The following DENND6B variants were observed in gnomAD, a reference collection of about 807,000 sequenced individuals.
DENND6B encodes protein DENND6B.
In DENND6B, 73 loss-of-function variants were observed where a neutral mutation model predicts 85.1. The ratio of observed to expected loss-of-function variants is 0.86; its 90% CI spans 0.71 to 1.04. The LOEUF (loss-of-function observed/expected upper bound fraction) is 1.04. Among genes scored for constraint, DENND6B ranks in the 50% least tolerant of loss-of-function variants. The probability of loss-of-function intolerance (pLI) is 0.00; values close to 1 mark genes in which losing one functional copy is unlikely to be tolerated. For synonymous variants in DENND6B, 357 were observed against 329.3 expected, an observed-to-expected ratio of 1.08 and a Z score of -0.91; for missense variants, 715 against 785.8, an observed-to-expected ratio of 0.91 and a Z score of 1.08.
rs926597495 is a variant in DENND6B at position 50,326,938 on chromosome 22, G to C, written c.51C>G (p.Gly17=). 2 of 1,296,714 alleles carry C rather than the reference G, an allele frequency of 1.5e-6. No homozygotes were observed. The highest frequency in any genetic ancestry group is 1.9e-6 in the Non-Finnish European group (2 of 1,027,916). 80.3% of individuals were successfully genotyped at this position (1,296,714 alleles called of 1,614,324 possible). Residue 17 remains glycine (G), a synonymous_variant, in exon 1 of 20, where the codon GGC becomes GGG. Coordinates refer to ENST00000413817, the MANE Select transcript of DENND6B (RefSeq NM_001001794.4). The stretch of plus-strand genomic sequence containing the variant: ...GACCTGAAGACGTGGGTCCAGCCGC[G>C]CCCAGGCAGCCGCGAGCCCGGCGAG... The part of the protein sequence containing the change: ...TGPRRARGCL[G]AAGPTSSGRA...
intron 4 of DENND6B, 141 bp downstream of exon 4, chr22:50,317,767 A>G: frequency 1.2e-6 from 1 of 810,214 alleles, no homozygotes; most frequent in Non-Finnish European, 1.9e-6. Context: ...CTGGGACTGC[A>G]GGGCCAGTGG....
rs2068024446 is a variant in DENND6B at position 50,309,057 on chromosome 22, C to G, written c.*3082G>C. On this transcript the variant is annotated 3_prime_UTR_variant, in exon 20 of 20. Coordinates refer to ENST00000413817, the MANE Select transcript of DENND6B (RefSeq NM_001001794.4). ...CAGTCACAAAAGGACATTTTAATACCAAAACTGTGGGAAGGCCACTGTTCT... is the reference window on the plus strand; with the variant it reads ...CAGTCACAAAAGGACATTTTAATACGAAAACTGTGGGAAGGCCACTGTTCT... 6.6e-6 allele frequency: 1 copy of G among 152,214 alleles called. No homozygotes were observed. Among genetic ancestry groups the G allele is most frequent in the Non-Finnish European group, 1.5e-5 (1 of 68,040 alleles). 9.4% of individuals were successfully genotyped at this position (152,214 alleles called of 1,614,324 possible). A position where few individuals can be genotyped will look rare whatever the true frequency, so the allele number is the denominator to read the frequency against.
intron 9 of DENND6B, chr22:50,315,204 G>A (rs1044082696): frequency 4.4e-6 from 2 of 454,634 alleles, no homozygotes; most frequent in Non-Finnish European, 8.0e-6. Context: ...GCCGGGGCAG[G>A]GTCTGCTGAC....
intron 9 of DENND6B, among the ~76,000 whole-genome samples, chr22:50,315,464 C>G (rs757898300): frequency 6.6e-6 from 1 of 152,184 alleles, no homozygotes; most frequent in Non-Finnish European, 1.5e-5. Context: ...ATGTGGGCAC[C>G]TGCTTCCTCT....
intron 3 of DENND6B, 52 bp downstream of exon 3, chr22:50,318,795 G>A (rs2041941860): frequency 6.2e-7 from 1 of 1,605,600 alleles, no homozygotes; most frequent in Admixed American, 1.7e-5. Flanking sequence ...CCAGGCTACA[G>A]GGATGCCCAG....
At chr22:50,314,095 C>A in intron 13 of DENND6B, 112 bp downstream of exon 13, 1 of 1,375,410 alleles carries the variant, frequency 7.3e-7, no homozygotes, top group Non-Finnish European at 9.7e-7. Context: ...GCTGCTGAGT[C>A]CTGGAAGAGG....
In DENND6B at chr22:50,314,418, C is replaced by T. The variant is rs757973302; in HGVS notation, c.1054G>A (p.Gly352Arg). 14 of 1,564,812 alleles carry T rather than the reference C, an allele frequency of 8.9e-6. No homozygotes were observed. The highest frequency in any genetic ancestry group is 3.5e-5 in the South Asian group (3 of 85,602). Reference protein sequence around the residue: ...LQHWPHILRVGEPKMSGDLPK... With the variant: ...LQHWPHILRVREPKMSGDLPK... Reference sequence around the variant, plus strand: ...GCCTGACCTGACATCTTGGGCTCCCCGACTCGGAGGATGTGGGGCCAGTGC... The same window carrying T: ...GCCTGACCTGACATCTTGGGCTCCCTGACTCGGAGGATGTGGGGCCAGTGC... The change falls in exon 12 of 20, where the codon GGG (glycine) becomes AGG (arginine). Residue 352 changes from glycine to arginine, a missense_variant. Coordinates refer to ENST00000413817, the MANE Select transcript of DENND6B (RefSeq NM_001001794.4).
rs201519448 is a variant in DENND6B at position 50,313,676 on chromosome 22, G to A, written c.1252C>T (p.Arg418Trp). The A allele has an allele frequency of 1.0e-4, 163 of 1,598,502 alleles. 2 individuals carry two copies. In the East Asian group the frequency reaches 1.6e-3, roughly 16 times the overall value. Reference sequence around the variant, plus strand: ...CTCTGGGTGAGCTCCAGGAGGTGCCGCCGCAGCAGGGCGCTCTGCACATCT... The same window carrying A: ...CTCTGGGTGAGCTCCAGGAGGTGCCACCGCAGCAGGGCGCTCTGCACATCT... ...PSDVQSALLR[R>W]HLLELTQSFI... Residue 418 changes from arginine (R) to tryptophan (W), a missense_variant, in exon 15 of 20, where the codon CGG becomes TGG. By Grantham distance (101) the Arg-to-Trp change is moderately radical. Transcript: ENST00000413817.
At chr22:50,326,273 G>T (rs1005544971) in intron 1 of DENND6B, among the ~76,000 whole-genome samples, 6 of 152,260 alleles carry the variant, frequency 3.9e-5, no homozygotes, top group Non-Finnish European at 7.3e-5. Context: ...ATGGGGTCTG[G>T]ATCTGATGCT....
chr22:50,324,488 G>A (rs865955690), intron 1 of DENND6B, among the ~76,000 whole-genome samples: 2 of 152,276 alleles, frequency 1.3e-5, no homozygotes, highest in East Asian at 1.9e-4. Context: ...GCCATGGCGC[G>A]ATCTCGGCTC....
intron 3 of DENND6B, 94 bp from the exon 4 acceptor site, chr22:50,318,114 C>T: frequency 8.2e-7 from 1 of 1,212,860 alleles, no homozygotes; most frequent in Non-Finnish European, 1.2e-6. Flanking sequence ...CCCTGCGAGC[C>T]TGGCCTCTGC....
chr22:50,312,605 TG>T lies in DENND6B; in HGVS notation c.1477del (p.His493IlefsTer15). 6.3e-7 allele frequency: 1 copy of T among 1,577,658 alleles called. No individual in the cohort carries two copies. The highest frequency in any genetic ancestry group is 1.2e-5 in the South Asian group (1 of 86,728). ...CCGCTGCCGGTACCAGCCATCAAAA[TG>T]GGGGGACTTGAAAAACCGCCTGTGG... Reference protein sequence around the residue: ...GLYRRFFKSPHFDGWYRQRHK... With the variant: ...GLYRRFFKSPXFDGWYRQRHK... On this transcript the variant is annotated frameshift_variant, in exon 18 of 20. Transcript: ENST00000413817. LOFTEE classifies it high-confidence loss of function.
intron 1 of DENND6B, among the ~76,000 whole-genome samples, chr22:50,323,532 T>C (rs763494439): frequency 6.6e-6 from 1 of 151,536 alleles, no homozygotes; most frequent in Non-Finnish European, 1.5e-5. Context: ...GCAATCCGCC[T>C]GCCTCAGCCT....
chr22:50,314,275 A>G lies in DENND6B; in HGVS notation c.1073-3T>C, dbSNP rs1225808809. Reference sequence around the variant, plus strand: ...CTTGACTTGCTTAGGCAGGTCTCCTACGAGACACGCCCGGTGGCCAGGCCT... The same window carrying G: ...CTTGACTTGCTTAGGCAGGTCTCCTGCGAGACACGCCCGGTGGCCAGGCCT... On this transcript the variant is annotated splice_polypyrimidine_tract_variant and splice_region_variant and intron_variant, in intron 12 of 19. Transcript: ENST00000413817. The G allele has an allele frequency of 3.1e-6, 5 of 1,609,152 alleles. No individual in the cohort carries two copies. In the South Asian group the frequency reaches 3.3e-5, roughly 11 times the overall value.
intron 1 of DENND6B, among the ~76,000 whole-genome samples, chr22:50,320,102 T>A (rs889345689): frequency 2.0e-5 from 3 of 152,320 alleles, no homozygotes; most frequent in African/African-American, 7.2e-5. Context: ...CACTGTCCCC[T>A]CCTCATCCCA....
chr22:50,326,652 T>TG (rs1169885658), intron 1 of DENND6B, among the ~76,000 whole-genome samples, 160 bp downstream of exon 1: 1 of 152,190 alleles, frequency 6.6e-6, no homozygotes, highest in Non-Finnish European at 1.5e-5. Flanking sequence ...CTCCTCGGCC[T>TG]GGGGAGCGCT....
chr22:50,321,812 G>A (rs1435751157), intron 1 of DENND6B, among the ~76,000 whole-genome samples: 2 of 152,018 alleles, frequency 1.3e-5, no homozygotes, highest in East Asian at 1.9e-4. Flanking sequence ...GACTACAGGC[G>A]TGCGCCCCCA....
At chr22:50,313,553 T>TGCCC in intron 15 of DENND6B, 54 bp from the exon 16 acceptor site, 4 of 698,134 alleles carry the variant, frequency 5.7e-6, no homozygotes, top group Non-Finnish European at 7.4e-6. Flanking sequence ...CCCAGCCCCA[T>TGCCC]CCCCCGCAGC....
At chr22:50,313,546 A>AC in intron 15 of DENND6B, 47 bp from the exon 16 acceptor site, 17 of 965,286 alleles carry the variant, frequency 1.8e-5, no homozygotes, top group East Asian at 1.3e-4. Flanking sequence ...CATGCCCCCC[A>AC]GCCCCATCCC....
Sources: gnomAD v4.1 joint callset for allele counts (sites outside exome capture counted in the v4.1 genomes callset) on GRCh38, gnomAD v4.1.1 for gene constraint, MANE v1.5 for transcripts, NCBI Gene and HGNC (gene_info 2026-07-23, HGNC 2026-07-21) for gene names.